Variants in ATP13A4 observed in about 807,000 individuals in gnomAD.
The protein encoded by ATP13A4 is probable cation-transporting ATPase 13A4.
A neutral mutation model predicts 142.5 loss-of-function variants in ATP13A4; 114 were observed. That is an observed-to-expected ratio of 0.80 (90% confidence interval 0.69 to 0.93). The LOEUF (loss-of-function observed/expected upper bound fraction) is 0.93, where lower values mean the gene tolerates loss of function less well. Ranked by LOEUF, ATP13A4 falls within the 40% of genes least tolerant of loss-of-function variation. The pLI, the probability that ATP13A4 is intolerant of heterozygous loss-of-function variation, is 0.00. For missense variants in ATP13A4, 1,392 were observed against 1,454.0 expected (o/e 0.96, Z 0.69); for synonymous variants, 488 against 514.8 (o/e 0.95, Z 0.70).
At chr3:193,526,414 C>G (rs1359935769) in intron 1 of ATP13A4, among the ~76,000 whole-genome samples, 4 of 152,058 alleles carry the variant, frequency 2.6e-5, no homozygotes, top group Non-Finnish European at 5.9e-5. Flanking sequence ...CACATGCACA[C>G]AGGGAGGGGA....
At chr3:193,580,375 G>A (rs1724512683) in intron 2 of ATP13A4, among the ~76,000 whole-genome samples, 1 of 152,074 alleles carries the variant, frequency 6.6e-6, no homozygotes, top group African/African-American at 2.4e-5. Flanking sequence ...GTTTATCTTG[G>A]CCCTTCCTAC....
intron 29 of ATP13A4, among the ~76,000 whole-genome samples, chr3:193,403,205 T>C (rs1714334875): frequency 6.6e-6 from 1 of 152,222 alleles, no homozygotes; most frequent in South Asian, 2.1e-4. Flanking sequence ...CTATAGCACA[T>C]CTATATTTTG....
chr3:193,564,441 A>C (rs1297943749), intron 2 of ATP13A4, among the ~76,000 whole-genome samples: 1 of 152,222 alleles, frequency 6.6e-6, no homozygotes, highest in African/African-American at 2.4e-5. Flanking sequence ...GTCATCATCA[A>C]GTATCTGACT....
At chr3:193,456,604 G>A (rs1161471081) in intron 16 of ATP13A4, among the ~76,000 whole-genome samples, 2 of 152,190 alleles carry the variant, frequency 1.3e-5, no homozygotes, top group African/African-American at 4.8e-5. Context: ...TCTGGTCACA[G>A]TACAGAGGGC....
intron 1 of ATP13A4, among the ~76,000 whole-genome samples, chr3:193,552,108 G>A (rs1401263664): frequency 6.6e-6 from 1 of 152,094 alleles, no homozygotes; most frequent in Admixed American, 6.6e-5. Context: ...CAAGTAGCTG[G>A]GACTACAGGT....
At chr3:193,550,262 G>A (rs1697732718) in intron 1 of ATP13A4, among the ~76,000 whole-genome samples, 2 of 150,680 alleles carry the variant, frequency 1.3e-5, no homozygotes, top group African/African-American at 4.9e-5. Context: ...GCACAGATAA[G>A]TATGAAGATA....
At chr3:193,410,643 C>T (rs1305215246) in intron 28 of ATP13A4, among the ~76,000 whole-genome samples, 1 of 152,094 alleles carries the variant, frequency 6.6e-6, no homozygotes, top group South Asian at 2.1e-4. Flanking sequence ...TGCTTGAGCT[C>T]AGAAATTTGA....
chr3:193,588,517 C>T (rs1431383191), intron 1 of ATP13A4, among the ~76,000 whole-genome samples: 2 of 152,186 alleles, frequency 1.3e-5, no homozygotes, highest in South Asian at 2.1e-4. Flanking sequence ...TCCGAAGTAT[C>T]CTTTCAAAGA....
intron 10 of ATP13A4, among the ~76,000 whole-genome samples, chr3:193,467,055 T>C (rs1027824842): frequency 2.6e-5 from 4 of 152,274 alleles, no homozygotes; most frequent in East Asian, 1.9e-4. Context: ...ATTGGATTGT[T>C]TGTAACTCAA....
At chr3:193,517,073 G>T (rs1467061000) in intron 1 of ATP13A4, among the ~76,000 whole-genome samples, 1 of 152,184 alleles carries the variant, frequency 6.6e-6, no homozygotes, top group Non-Finnish European at 1.5e-5. Context: ...AAGCCACAAA[G>T]CTCATAACTA....
At chr3:193,491,265 T>A (rs900396991) in intron 6 of ATP13A4, 64 bp downstream of exon 6, 15 of 1,264,658 alleles carry the variant, frequency 1.2e-5, no homozygotes, top group Non-Finnish European at 1.7e-5. Flanking sequence ...CTCCTGATTA[T>A]TTCACTAGAG....
intron 7 of ATP13A4, among the ~76,000 whole-genome samples, chr3:193,486,077 A>G (rs1487296758): frequency 1.3e-5 from 2 of 149,734 alleles, no homozygotes; most frequent in Admixed American, 6.7e-5. Context: ...ATATGTTATT[A>G]TTATTTTAAA....
intron 25 of ATP13A4, among the ~76,000 whole-genome samples, chr3:193,426,438 C>A (rs1715671773): frequency 6.6e-6 from 1 of 151,748 alleles, no homozygotes; most frequent in African/African-American, 2.4e-5. Flanking sequence ...TTTGTACTAT[C>A]CAAAGTGATC....
intron 12 of ATP13A4, among the ~76,000 whole-genome samples, chr3:193,464,479 A>C (rs1327010352): frequency 6.6e-6 from 1 of 152,226 alleles, no homozygotes; most frequent in Non-Finnish European, 1.5e-5. Flanking sequence ...AATACAGCAA[A>C]AGCTTGATAT....
At chr3:193,500,454 A>G (rs1001921530) in intron 3 of ATP13A4, among the ~76,000 whole-genome samples, 27 of 151,980 alleles carry the variant, frequency 1.8e-4, no homozygotes, top group Non-Finnish European at 4.0e-4. Context: ...GGCACCAAGG[A>G]CCGGTTTTGT....
At chr3:193,493,958 G>A (rs543555950) in intron 3 of ATP13A4, among the ~76,000 whole-genome samples, 4 of 151,988 alleles carry the variant, frequency 2.6e-5, no homozygotes, top group African/African-American at 7.2e-5. Context: ...GACATTCCAT[G>A]AAAATGGAAA....
Position 193,457,405 on chromosome 3 carries a change from C to A in ATP13A4, c.1735G>T (p.Val579Phe). The A allele has an allele frequency of 1.9e-6, 3 of 1,614,220 alleles. No homozygotes were observed. Among genetic ancestry groups the A allele is most frequent in the Non-Finnish European group, 2.5e-6 (3 of 1,180,040 alleles). ...IKGVPAHAMV[V>F]KPCRTASQVP... The stretch of plus-strand genomic sequence containing the variant: ...TGGCTGGCTGTTCTGCAGGGCTTAA[C>A]TACCATGGCATGTGCCGGCACTCCC... The change falls in exon 15 of 30, where the codon GTT (valine) becomes TTT (phenylalanine). Residue 579 changes from valine to phenylalanine, a missense_variant. By Grantham distance (50) the Val-to-Phe change is conservative. Coordinates refer to ENST00000342695, the MANE Select transcript of ATP13A4 (RefSeq NM_032279.4).
At chr3:193,495,783 A>C (rs1262940524) in intron 3 of ATP13A4, among the ~76,000 whole-genome samples, 1 of 152,136 alleles carries the variant, frequency 6.6e-6, no homozygotes, top group East Asian at 1.9e-4. Context: ...AAAGAACTTA[A>C]ATTGCCCCTT....
chr3:193,460,133 T>C (rs1482707021), intron 13 of ATP13A4, among the ~76,000 whole-genome samples: 1 of 152,160 alleles, frequency 6.6e-6, no homozygotes. Flanking sequence ...ACATGCCAAC[T>C]TCTTTCAAAC....
Sources: gnomAD v4.1 joint callset for allele counts (sites outside exome capture counted in the v4.1 genomes callset) on GRCh38, gnomAD v4.1.1 for gene constraint, MANE v1.5 for transcripts, NCBI Gene and HGNC (gene_info 2026-07-23, HGNC 2026-07-21) for gene names.